Variants in PALLD observed in about 807,000 individuals in gnomAD.
PALLD encodes palladin, cytoskeletal associated protein, also known as palladin.
PALLD carries 61 observed loss-of-function variants against 123.5 expected under a neutral mutation model. That is an observed-to-expected ratio of 0.49 (90% confidence interval 0.40 to 0.61). PALLD has a LOEUF of 0.61. Among genes scored for constraint, PALLD ranks in the 20% least tolerant of loss-of-function variants. PALLD has a pLI of 0.00. For synonymous variants in PALLD, 465 were observed against 496.4 expected (o/e 0.94, Z 0.84); for missense variants, 1,273 against 1,377.0 (o/e 0.92, Z 1.20).
At chr4:168,748,761 C>T (rs1362428305) in intron 10 of PALLD, among the ~76,000 whole-genome samples, 1 of 152,158 alleles carries the variant, frequency 6.6e-6, no homozygotes, top group Non-Finnish European at 1.5e-5. Context: ...CTCTTATTGG[C>T]CATTTAATGG....
intron 10 of PALLD, among the ~76,000 whole-genome samples, chr4:168,874,410 T>G (rs1581854121): frequency 6.6e-6 from 1 of 152,316 alleles, no homozygotes; most frequent in East Asian, 1.9e-4. Flanking sequence ...ATCTGTAAAA[T>G]TATTCTTGTT....
chr4:168,603,854 C>A (rs980256754), intron 2 of PALLD, among the ~76,000 whole-genome samples: 1 of 152,088 alleles, frequency 6.6e-6, no homozygotes, highest in African/African-American at 2.4e-5. Flanking sequence ...TTAAACAGTT[C>A]TTTTTAAAAA....
chr4:168,652,168 A>C (rs1778120921), intron 2 of PALLD, among the ~76,000 whole-genome samples: 1 of 152,106 alleles, frequency 6.6e-6, no homozygotes, highest in Non-Finnish European at 1.5e-5. Context: ...AGATAGTCTT[A>C]TGTGTGCACC....
chr4:168,665,978 C>CAA (rs11295343), intron 2 of PALLD, among the ~76,000 whole-genome samples: 9 of 147,254 alleles, frequency 6.1e-5, no homozygotes, highest in Admixed American at 1.3e-4. Flanking sequence ...CGCCCCCCAC[C>CAA]AAAAAAAAAA....
At chr4:168,590,864 G>GTTTTT (rs371992201) in intron 2 of PALLD, among the ~76,000 whole-genome samples, 9 of 70,198 alleles carry the variant, frequency 1.3e-4, no homozygotes, top group Non-Finnish European at 2.0e-4. Flanking sequence ...GACCTAGAAA[G>GTTTTT]TTTTTTTTTT....
At chr4:168,822,948 T>G (rs959802218) in intron 10 of PALLD, among the ~76,000 whole-genome samples, 2 of 152,150 alleles carry the variant, frequency 1.3e-5, no homozygotes, top group African/African-American at 4.8e-5. Flanking sequence ...AGTGTCAAAG[T>G]TTCAGATGAA....
In PALLD at chr4:168,913,663, C is replaced by A. The variant is rs187704315; in HGVS notation, c.2623-264C>A. Reference sequence around the variant, plus strand: ...TAATCAAGGGTTGTCATTTTAAATACCATCCTAGATAAAACAGTAAAGCTT... The same window carrying A: ...TAATCAAGGGTTGTCATTTTAAATAACATCCTAGATAAAACAGTAAAGCTT... On this transcript the variant is annotated intron_variant, in intron 15 of 21. Transcript: ENST00000505667. Among the ~76,000 whole-genome samples the A allele has an allele frequency of 2.0e-5, 3 of 151,840 alleles. No homozygotes were observed. The East Asian group carries it at 5.8e-4, about 29-fold the overall frequency.
At chr4:168,913,877 T>G in intron 15 of PALLD, 50 bp from the exon 16 acceptor site, 1 of 1,185,342 alleles carries the variant, frequency 8.4e-7, no homozygotes, top group Non-Finnish European at 1.3e-6. Flanking sequence ...TAGTGCTTAG[T>G]GGTTAATAGT....
At chr4:168,640,959 A>G (rs1430303097) in intron 2 of PALLD, among the ~76,000 whole-genome samples, 1 of 152,174 alleles carries the variant, frequency 6.6e-6, no homozygotes, top group Non-Finnish European at 1.5e-5. Context: ...CTGTAATCCC[A>G]ACACTTTGGG....
chr4:168,518,107 GT>G (rs1763165849), intron 2 of PALLD, among the ~76,000 whole-genome samples: 1 of 152,030 alleles, frequency 6.6e-6, no homozygotes, highest in South Asian at 2.1e-4. Flanking sequence ...CCTTCCAGCT[GT>G]TCAGGAAAAA....
In PALLD at chr4:168,670,664, C is replaced by T. The variant is rs1350939708; in HGVS notation, c.1087+2296C>T. On this transcript the variant is annotated intron_variant, in intron 3 of 21. Transcript: ENST00000505667. ...AGGAGAATTGCGTGAACCCGGGAAG[C>T]GGAGCTTGCAGTGAGCCGAGATTGC... Among the ~76,000 whole-genome samples, 5 of 145,250 alleles carry T rather than the reference C, an allele frequency of 3.4e-5. No homozygotes were observed. In the East Asian group the frequency reaches 6.1e-4, roughly 18 times the overall value.
chr4:168,864,316 G>A (rs1282201614), intron 10 of PALLD: 1 of 152,122 alleles, frequency 6.6e-6, no homozygotes, highest in Non-Finnish European at 1.5e-5. Context: ...TGTTAGAAAC[G>A]ACTTTCTGGT....
At chr4:168,604,754 G>A (rs780742426) in intron 2 of PALLD, among the ~76,000 whole-genome samples, 3 of 152,210 alleles carry the variant, frequency 2.0e-5, no homozygotes, top group Non-Finnish European at 4.4e-5. Flanking sequence ...GCCACTGGTG[G>A]TGACTCATCC....
chr4:168,690,294 T>G (rs1450024135), intron 6 of PALLD, among the ~76,000 whole-genome samples: 2 of 152,202 alleles, frequency 1.3e-5, no homozygotes, highest in East Asian at 1.9e-4. Context: ...AAGTTAACAT[T>G]GGTTACCATC....
chr4:168,586,345 CG>C (rs953454722), intron 2 of PALLD, among the ~76,000 whole-genome samples: 19 of 151,972 alleles, frequency 1.3e-4, no homozygotes, highest in African/African-American at 2.4e-4. Flanking sequence ...ATATAGAGAA[CG>C]TTTTTTTTTA....
At chr4:168,759,202 A>AAT (rs147474708) in intron 10 of PALLD, among the ~76,000 whole-genome samples, 259 of 22,224 alleles carry the variant, frequency 0.012, 2 homozygotes, top group Non-Finnish European at 0.015. Context: ...AAAAAAAAAA[A>AAT]ATATATATAT....
intron 2 of PALLD, among the ~76,000 whole-genome samples, chr4:168,610,042 T>C (rs1169614197): frequency 6.6e-6 from 1 of 152,248 alleles, no homozygotes; most frequent in Non-Finnish European, 1.5e-5. Flanking sequence ...TTTGTTCCAA[T>C]GCATATATTT....
At chr4:168,706,628 T>A (rs1483885624) in intron 8 of PALLD, among the ~76,000 whole-genome samples, 1 of 152,110 alleles carries the variant, frequency 6.6e-6, no homozygotes, top group East Asian at 1.9e-4. Context: ...ACCATCAGCA[T>A]CATCAGAAAT....
At chr4:168,775,695 TAA>T (rs1269651976) in intron 10 of PALLD, among the ~76,000 whole-genome samples, 1 of 152,214 alleles carries the variant, frequency 6.6e-6, no homozygotes, top group Non-Finnish European at 1.5e-5. Flanking sequence ...TGATCTATTT[TAA>T]GTCAATTTTT....
Sources: gnomAD v4.1 joint callset for allele counts (sites outside exome capture counted in the v4.1 genomes callset) on GRCh38, gnomAD v4.1.1 for gene constraint, MANE v1.5 for transcripts, NCBI Gene and HGNC (gene_info 2026-07-23, HGNC 2026-07-21) for gene names.